The following CELSR1 variants were observed in gnomAD, a reference collection of about 807,000 sequenced individuals.
CELSR1 encodes the protein adhesion G protein-coupled receptor C1.
A neutral mutation model predicts 249.1 loss-of-function variants in CELSR1; 110 were observed. That is an observed-to-expected ratio of 0.44 (90% CI 0.38 to 0.52). The LOEUF (loss-of-function observed/expected upper bound fraction) is 0.52, where lower values mean the gene tolerates loss of function less well. CELSR1 is among the 20% of genes least tolerant of loss of function. CELSR1 has a pLI of 0.00. For missense variants in CELSR1, 4,109 were observed against 4,296.4 expected (o/e 0.96, Z 1.22); for synonymous variants, 2,113 against 1,900.0 (o/e 1.11, Z -2.92).
chr22:46,459,418 C>G (rs550884457), intron 2 of CELSR1, among the ~76,000 whole-genome samples: 1 of 152,218 alleles, frequency 6.6e-6, no homozygotes, highest in Non-Finnish European at 1.5e-5. Flanking sequence ...CCCCTTTCAA[C>G]CAGCACAGAA....
chr22:46,528,514 G>C (rs187320175), intron 1 of CELSR1, among the ~76,000 whole-genome samples: 185 of 152,316 alleles, frequency 1.2e-3, no homozygotes, highest in Admixed American at 3.9e-3. Flanking sequence ...GCAACAAGAG[G>C]CCTACAGCCC....
intron 25 of CELSR1, among the ~76,000 whole-genome samples, chr22:46,370,844 G>A (rs1459131296): frequency 2.0e-5 from 3 of 152,236 alleles, no homozygotes; most frequent in Non-Finnish European, 4.4e-5. Context: ...CTCCCCGGGA[G>A]TTATTTTAAG....
rs8139709 is a variant in CELSR1 at position 46,438,894 on chromosome 22, A to C, written c.4406+295T>G. ...TGTCTCAGCCTCCTGAGTAGCTGGG[A>C]TTACAGGCATAAACCACTGTATCCA... On this transcript the variant is annotated intron_variant, in intron 3 of 34. Coordinates refer to ENST00000674500, the MANE Select transcript of CELSR1 (RefSeq NM_001378328.1). Among the ~76,000 whole-genome samples, 6,828 of 152,224 alleles carry C rather than the reference A, an allele frequency of 0.045. 305 individuals are homozygous for C. The highest frequency in any genetic ancestry group is 0.11 in the African/African-American group (4,755 of 41,518).
intron 33 of CELSR1, 64 bp downstream of exon 33, chr22:46,364,447 CA>C (rs1314030889): frequency 1.0e-4 from 156 of 1,547,754 alleles, no homozygotes; most frequent in Non-Finnish European, 1.3e-4. Context: ...CTCCCACCTC[CA>C]GACCAGGGAC....
chr22:46,504,597 A>T (rs1464562770), intron 1 of CELSR1, among the ~76,000 whole-genome samples: 3 of 152,156 alleles, frequency 2.0e-5, no homozygotes, highest in Admixed American at 6.5e-5. Context: ...TCAAAAAAGG[A>T]AGACATTTAT....
At chr22:46,435,752 G>A (rs1372874998) in intron 4 of CELSR1, among the ~76,000 whole-genome samples, 1 of 152,030 alleles carries the variant, frequency 6.6e-6, no homozygotes, top group South Asian at 2.1e-4. Flanking sequence ...CCAGGCTGGG[G>A]TGCAGTGGCG....
rs1249378354 is a variant in CELSR1, at chr22:46,537,063, G to A, written c.108C>T (p.Pro36=). The A allele has an allele frequency of 2.8e-6, 3 of 1,068,646 alleles. No individual in the cohort carries two copies. The highest frequency in any genetic ancestry group is 1.0e-4 in the Admixed American group (2 of 19,144). 66.2% of individuals were successfully genotyped at this position (1,068,646 alleles called of 1,614,324 possible). The change falls in exon 1 of 35, where the codon CCC becomes CCT. Residue 36 remains proline (P), a synonymous_variant. Transcript: ENST00000674500. The surrounding 1 kb of genome is among the most constrained non-coding windows in gnomAD (Gnocchi z 5.8). ...LRAAAWEPRV[P]GGTRAFALRP... Reference sequence around the variant, plus strand: ...GGAGGGCGAAGGCGCGGGTCCCGCCGGGTACGCGCGGCTCCCAGGCGGCCG... The same window carrying A: ...GGAGGGCGAAGGCGCGGGTCCCGCCAGGTACGCGCGGCTCCCAGGCGGCCG...
rs1336762557 is a variant in CELSR1 at position 46,395,243 on chromosome 22, TG to T, written c.5844-982del. ...ACTGTGGCGCCGGGCATGGAGATGC[TG>T]GATCAGCCTCTTGGCAACTCCCCCT... On this transcript the variant is annotated intron_variant, in intron 13 of 34. Coordinates refer to ENST00000674500, the MANE Select transcript of CELSR1 (RefSeq NM_001378328.1). This position sits in a 1 kb window ranked among gnomAD's most constrained non-coding sequence, Gnocchi z 5.5. 6.6e-6 allele frequency among the ~76,000 whole-genome samples: 1 copy of T among 152,182 alleles called. No homozygotes were observed. The highest frequency in any genetic ancestry group is 1.5e-5 in the Non-Finnish European group (1 of 68,016).
chr22:46,443,485 C>G (rs1347071171), intron 2 of CELSR1, among the ~76,000 whole-genome samples: 1 of 152,340 alleles, frequency 6.6e-6, no homozygotes, highest in South Asian at 2.1e-4. Context: ...AGGCTAACCC[C>G]CCTACCACTC....
At chr22:46,376,929 G>C in intron 24 of CELSR1, 132 bp downstream of exon 24, 1 of 883,606 alleles carries the variant, frequency 1.1e-6, no homozygotes, top group Non-Finnish European at 1.8e-6. Context: ...GTTCCTGAAA[G>C]GGCATCTGTG....
At chr22:46,481,825 T>C in intron 1 of CELSR1, 1 of 254,770 alleles carries the variant, frequency 3.9e-6, no homozygotes, top group Non-Finnish European at 7.9e-6. Context: ...CTGTTGCCCA[T>C]GCAGTGGCGT....
rs561341842 is a variant in CELSR1 at position 46,369,517 on chromosome 22, G to A, written c.7872+175C>T. ...GACACGACGCGAGACCTGAATCCAC[G>A]ATCAGAGGGTGAGGTCCGGGAGGGC... On this transcript the variant is annotated intron_variant, in intron 26 of 34. Coordinates refer to ENST00000674500, the MANE Select transcript of CELSR1 (RefSeq NM_001378328.1). 5.3e-5 allele frequency among the ~76,000 whole-genome samples: 8 copies of A among 152,362 alleles called. No homozygotes were observed. The East Asian group carries it at 1.2e-3, about 22-fold the overall frequency.
At chr22:46,495,746 C>T (rs1478368850) in intron 1 of CELSR1, among the ~76,000 whole-genome samples, 3 of 152,060 alleles carry the variant, frequency 2.0e-5, no homozygotes, top group Non-Finnish European at 2.9e-5. Context: ...ACCTGGGAGG[C>T]GAAGGTTGCA....
At chr22:46,493,341 A>T (rs573441540) in intron 1 of CELSR1, among the ~76,000 whole-genome samples, 2 of 152,156 alleles carry the variant, frequency 1.3e-5, no homozygotes, top group South Asian at 4.2e-4. Flanking sequence ...AGATCAGGAG[A>T]TCAAGACCAT....
chr22:46,365,312 A>G lies in CELSR1; in HGVS notation c.8473T>C (p.Ser2825Pro). 1 of 1,612,908 alleles carries G rather than the reference A, an allele frequency of 6.2e-7. No homozygotes were observed. The highest frequency in any genetic ancestry group is 8.5e-7 in the Non-Finnish European group (1 of 1,179,944). The change falls in exon 32 of 35, where the codon TCG becomes CCG. Residue 2825 changes from serine to proline, a missense_variant. Transcript: ENST00000674500. ...ACCCCATCGTCCTCGCTGTCTGACGAGTGTGAGGAGGCGTAAGAGCTGCTC... is the reference window on the plus strand; with the variant it reads ...ACCCCATCGTCCTCGCTGTCTGACGGGTGTGAGGAGGCGTAAGAGCTGCTC... ...EQSSSYASSH[S>P]SDSEDDGVGA...
At chr22:46,375,006 A>G (rs866190185) in intron 24 of CELSR1, among the ~76,000 whole-genome samples, 11 of 151,836 alleles carry the variant, frequency 7.2e-5, no homozygotes, top group African/African-American at 2.7e-4. Flanking sequence ...TGCTCCACCT[A>G]CCACTGCTGG....
At chr22:46,476,771 G>A (rs897214827) in intron 1 of CELSR1, among the ~76,000 whole-genome samples, 1 of 151,976 alleles carries the variant, frequency 6.6e-6, no homozygotes, top group African/African-American at 2.4e-5. Flanking sequence ...AAGCGCAAGG[G>A]GCAAGAGGGA....
rs1055432256 is a variant in CELSR1 at position 46,407,896 on chromosome 22, G to A, written c.5226+1100C>T. ...GTTTACAGGAGAGCGCCCGTGCCCC[G>A]CCATCACTACAGACGAGAATGACCT... On this transcript the variant is annotated intron_variant, in intron 9 of 34. Coordinates refer to ENST00000674500, the MANE Select transcript of CELSR1 (RefSeq NM_001378328.1). The surrounding 1 kb of genome is among the most constrained non-coding windows in gnomAD (Gnocchi z 4.8). Among the ~76,000 whole-genome samples the A allele has an allele frequency of 1.3e-5, 2 of 152,186 alleles. No homozygotes were observed. The highest frequency in any genetic ancestry group is 2.9e-5 in the Non-Finnish European group (2 of 68,038).
At chr22:46,503,103 G>A (rs1244811052) in intron 1 of CELSR1, among the ~76,000 whole-genome samples, 1 of 152,194 alleles carries the variant, frequency 6.6e-6, no homozygotes, top group Non-Finnish European at 1.5e-5. Context: ...CTCTCCTGAT[G>A]AGGTAAGTGG....
Sources: gnomAD v4.1 joint callset for allele counts (sites outside exome capture counted in the v4.1 genomes callset) on GRCh38, gnomAD v4.1.1 for gene constraint, Gnocchi (gnomAD v3.1) non-coding constraint, MANE v1.5 for transcripts, NCBI Gene and HGNC (gene_info 2026-07-23, HGNC 2026-07-21) for gene names.